PTBP2: variants seen among roughly 807,000 people sequenced by gnomAD.
PTBP2 encodes the protein polypyrimidine tract-binding protein 2.
PTBP2 carries 13 observed loss-of-function variants against 61.4 expected under a neutral mutation model. The observed-to-expected ratio is 0.21, with a 90% confidence interval of 0.14 to 0.34. PTBP2 has a LOEUF of 0.34. Among genes scored for constraint, PTBP2 ranks in the 10% least tolerant of loss-of-function variants. PTBP2 has a pLI of 1.00. For synonymous variants in PTBP2, 215 were observed against 218.5 expected (o/e 0.98, Z 0.14); for missense variants, 405 against 642.6 (o/e 0.63, Z 4.00).
intron 8 of PTBP2, among the ~76,000 whole-genome samples, chr1:96,795,530 G>A (rs1188345999): frequency 6.6e-6 from 1 of 152,062 alleles, no homozygotes; most frequent in African/African-American, 2.4e-5. Context: ...GAAAGCAAGA[G>A]GATTAAAGCA....
chr1:96,749,626 C>T (rs1462397530), intron 2 of PTBP2: 1 of 455,956 alleles, frequency 2.2e-6, no homozygotes, highest in African/African-American at 2.0e-5. Flanking sequence ...TGTGGAGTAA[C>T]TTGACCTTCA....
downstream of PTBP2, chr1:96,818,780 T>G (rs1051147235): frequency 2.6e-5 from 4 of 152,102 alleles, no homozygotes; most frequent in African/African-American, 9.6e-5. Context: ...CAAGAAATAA[T>G]TGAACTGAAA....
intron 9 of PTBP2, among the ~76,000 whole-genome samples, chr1:96,805,152 TA>T (rs1661381701): frequency 6.6e-6 from 1 of 152,146 alleles, no homozygotes; most frequent in South Asian, 2.1e-4. Context: ...TCTATATCTA[TA>T]TATGTATATT....
intron 2 of PTBP2, among the ~76,000 whole-genome samples, chr1:96,747,251 C>A (rs1653959346): frequency 6.6e-6 from 1 of 152,102 alleles, no homozygotes; most frequent in Non-Finnish European, 1.5e-5. Flanking sequence ...TGGACATCTT[C>A]CATGTTGATT....
downstream of PTBP2, chr1:96,815,226 C>T (rs1662431266): frequency 6.7e-6 from 1 of 148,542 alleles, no homozygotes; most frequent in African/African-American, 2.5e-5. Context: ...GATTTATGCA[C>T]TAATAGATCT....
chr1:96,755,873 G>A (rs1297604195), intron 3 of PTBP2, among the ~76,000 whole-genome samples: 5 of 152,108 alleles, frequency 3.3e-5, no homozygotes, highest in African/African-American at 1.2e-4. Context: ...GGAAAACTCG[G>A]GAGTGATGGA....
At chr1:96,725,292 G>T (rs1025247913) in intron 2 of PTBP2, among the ~76,000 whole-genome samples, 1 of 149,170 alleles carries the variant, frequency 6.7e-6, no homozygotes, top group Non-Finnish European at 1.5e-5. Context: ...TAATGTATTG[G>T]TTACACCAGT....
chr1:96,752,125 C>T (rs1391628794), intron 3 of PTBP2, among the ~76,000 whole-genome samples: 3 of 151,732 alleles, frequency 2.0e-5, no homozygotes, highest in Non-Finnish European at 4.4e-5. Context: ...AATTTTAGAC[C>T]TTAGTTTTAT....
chr1:96,728,517 G>A (rs575547805), intron 2 of PTBP2, among the ~76,000 whole-genome samples: 12 of 152,154 alleles, frequency 7.9e-5, no homozygotes, highest in Admixed American at 6.5e-4. Flanking sequence ...TTTTATGTCT[G>A]TACTCTTTTT....
At chr1:96,724,882 A>G (rs1462163474) in intron 2 of PTBP2, among the ~76,000 whole-genome samples, 1 of 152,122 alleles carries the variant, frequency 6.6e-6, no homozygotes, top group African/African-American at 2.4e-5. Flanking sequence ...TGTATCCATA[A>G]TGATGTGGTG....
chr1:96,748,237 T>G (rs2100895477), intron 2 of PTBP2, among the ~76,000 whole-genome samples: 1 of 152,330 alleles, frequency 6.6e-6, no homozygotes, highest in Non-Finnish European at 1.5e-5. Context: ...GAGACTCTTG[T>G]CACCCTCAGC....
At chr1:96,759,475 G>T (rs547465632) in intron 3 of PTBP2, among the ~76,000 whole-genome samples, 1 of 152,288 alleles carries the variant, frequency 6.6e-6, no homozygotes, top group South Asian at 2.1e-4. Flanking sequence ...CCTTTCAACA[G>T]ATGTGCTAGA....
intron 5 of PTBP2, among the ~76,000 whole-genome samples, chr1:96,775,484 A>G (rs1224334963): frequency 6.6e-6 from 1 of 152,202 alleles, no homozygotes; most frequent in Non-Finnish European, 1.5e-5. Context: ...CCTGCAAAAC[A>G]TGGGTAGTGT....
In PTBP2 at chr1:96,804,956, CTAA is replaced by C. The variant is rs1661361265; in HGVS notation, c.1044+19_1044+21del. On this transcript the variant is annotated intron_variant, in intron 9 of 13. Transcript: ENST00000674951. ...AATGAAGAGGTTAGTAAAATAATCT[CTAA>C]TGTTTATTCTTTAACTCCATTTCAT... 6.5e-7 allele frequency: 1 copy of C among 1,536,710 alleles called. No homozygotes were observed. Among genetic ancestry groups the C allele is most frequent in the East Asian group, 2.3e-5 (1 of 43,740 alleles).
chr1:96,738,613 C>T (rs1343550702), intron 2 of PTBP2, among the ~76,000 whole-genome samples: 1 of 152,116 alleles, frequency 6.6e-6, no homozygotes, highest in African/African-American at 2.4e-5. Context: ...TCTGAATTTC[C>T]CTTTCCTAGT....
At chr1:96,733,104 C>T (rs1028953826) in intron 2 of PTBP2, among the ~76,000 whole-genome samples, 3 of 150,714 alleles carry the variant, frequency 2.0e-5, no homozygotes, top group Admixed American at 1.3e-4. Context: ...AAATCTGACA[C>T]AGGTGGGCTA....
chr1:96,778,799 C>T (rs1570917552), intron 7 of PTBP2, among the ~76,000 whole-genome samples: 2 of 152,266 alleles, frequency 1.3e-5, no homozygotes, highest in South Asian at 4.1e-4. Flanking sequence ...ATCAAGATTA[C>T]TTCTGTGGAG....
chr1:96,804,779 A>C, intron 8 of PTBP2, 21 bp from the exon 9 acceptor site: 2 of 1,581,628 alleles, frequency 1.3e-6, no homozygotes, highest in South Asian at 2.3e-5. Context: ...TTTATTTTAA[A>C]ATTAGGGCTT....
chr1:96,769,616 G>A, intron 3 of PTBP2, 87 bp from the exon 4 acceptor site: 1 of 1,008,388 alleles, frequency 9.9e-7, no homozygotes, highest in Non-Finnish European at 1.4e-6. Flanking sequence ...GTTCTTTTTG[G>A]AAATTTGTAG....
Sources: allele counts gnomAD v4.1 joint callset (sites outside exome capture counted in the v4.1 genomes callset), GRCh38; gene constraint gnomAD v4.1.1; transcripts MANE v1.5; gene names NCBI Gene and HGNC (gene_info 2026-07-23, HGNC 2026-07-21).